Variants in CXXC5 observed in about 807,000 individuals in gnomAD.
CXXC5 encodes the protein CXXC-type zinc finger protein 5.
CXXC5 carries 2 observed loss-of-function variants against 17.6 expected under a neutral mutation model. That is an observed-to-expected ratio of 0.11 (90% CI 0.05 to 0.36). The LOEUF (loss-of-function observed/expected upper bound fraction) is 0.36, where lower values mean the gene tolerates loss of function less well. CXXC5 is among the 10% of genes least tolerant of loss of function. The pLI, the probability that CXXC5 is intolerant of heterozygous loss-of-function variation, is 1.00. For synonymous variants in CXXC5, 171 were observed against 193.0 expected (o/e 0.89, Z 0.94); for missense variants, 343 against 458.3 (o/e 0.75, Z 2.30).
chr5:139,682,600 G>A (rs750309028), intron 2 of CXXC5, among the ~76,000 whole-genome samples: 1 of 152,200 alleles, frequency 6.6e-6, no homozygotes, highest in Non-Finnish European at 1.5e-5. Flanking sequence ...CTTTGGGCCA[G>A]GGGAAGGGAC....
chr5:139,660,180 G>A (rs1167271674), intron 1 of CXXC5, among the ~76,000 whole-genome samples: 4 of 152,252 alleles, frequency 2.6e-5, no homozygotes, highest in African/African-American at 9.6e-5. Context: ...GGAGCGGGAT[G>A]ATCCTGTGGG....
intron 1 of CXXC5, among the ~76,000 whole-genome samples, chr5:139,671,790 G>A (rs776110053): frequency 3.1e-4 from 47 of 152,214 alleles, no homozygotes; most frequent in Admixed American, 5.9e-4. Context: ...TCCCCAAGCC[G>A]AGAGCTGAAC....
rs1181469088 is a variant in CXXC5, at chr5:139,668,009, A to T, written c.-160-12355A>T. On this transcript the variant is annotated intron_variant, in intron 1 of 2. Transcript: ENST00000302517. This position sits in a 1 kb window ranked among gnomAD's most constrained non-coding sequence, Gnocchi z 4.1. ...CTCCAAGGAGAGGGCCTGGGTTTTA[A>T]TTTTTGCTGCAGGGTCCCACCTGCC... 6.6e-6 allele frequency among the ~76,000 whole-genome samples: 1 copy of T among 151,824 alleles called. No homozygotes were observed. Among genetic ancestry groups the T allele is most frequent in the Non-Finnish European group, 1.5e-5 (1 of 67,926 alleles).
At chr5:139,656,858 G>A (rs1381625848) in intron 1 of CXXC5, among the ~76,000 whole-genome samples, 2 of 152,140 alleles carry the variant, frequency 1.3e-5, no homozygotes, top group African/African-American at 2.4e-5. Flanking sequence ...CCGAGTAGCT[G>A]GGATTACAGG....
intron 1 of CXXC5, among the ~76,000 whole-genome samples, chr5:139,662,703 C>T (rs1755889513): frequency 6.6e-6 from 1 of 152,212 alleles, no homozygotes; most frequent in African/African-American, 2.4e-5. Context: ...TCCTGAGGGA[C>T]ACAAACAGCA....
chr5:139,649,572 A>G (rs1255187190), intron 1 of CXXC5: 2 of 151,028 alleles, frequency 1.3e-5, no homozygotes, highest in African/African-American at 4.9e-5. Context: ...CGGCGGGCTG[A>G]TGAAGTTTGA....
chr5:139,682,324 ACCCCAG>A (rs373964697), intron 2 of CXXC5, among the ~76,000 whole-genome samples: 25 of 125,602 alleles, frequency 2.0e-4, no homozygotes, highest in East Asian at 8.3e-4. Flanking sequence ...CCCTCCCCCA[ACCCCAG>A]CCCCAGCCCC....
In CXXC5 at chr5:139,680,365, G is replaced by T. The variant is rs1050261593; in HGVS notation, c.-159G>T. 9.5e-7 allele frequency: 1 copy of T among 1,053,986 alleles called. No individual in the cohort carries two copies. The highest frequency in any genetic ancestry group is 1.3e-6 in the Non-Finnish European group (1 of 751,758). 65.3% of individuals were successfully genotyped at this position (1,053,986 alleles called of 1,614,324 possible). A position where few individuals can be genotyped will look rare whatever the true frequency, so the allele number is the denominator to read the frequency against. ...TGACCCTGTATCCTCTTGTGACAGAGTGAAGACATTTCCACCTGGACACCT... is the reference window on the plus strand; with the variant it reads ...TGACCCTGTATCCTCTTGTGACAGATTGAAGACATTTCCACCTGGACACCT... On this transcript the variant is annotated splice_region_variant and 5_prime_UTR_variant, in exon 2 of 3. Transcript: ENST00000302517.
chr5:139,656,068 C>G (rs1337081389), intron 1 of CXXC5, among the ~76,000 whole-genome samples: 1 of 152,086 alleles, frequency 6.6e-6, no homozygotes, highest in Non-Finnish European at 1.5e-5. Flanking sequence ...TGCCTGTGAC[C>G]TTTTCTGACC....
In CXXC5 at chr5:139,654,707, G is replaced by A. The variant is rs181936542; in HGVS notation, c.-161+5862G>A. Among the ~76,000 whole-genome samples, 42 of 152,284 alleles carry A rather than the reference G, an allele frequency of 2.8e-4. 1 individual carries two copies. The highest frequency in any genetic ancestry group is 9.4e-4 in the African/African-American group (39 of 41,528). On this transcript the variant is annotated intron_variant, in intron 1 of 2. Transcript: ENST00000302517. ...GGACTGATAATAGGACAGACCCCATGGGGCACATGGTAGCCTTCTCTGAGA... is the reference window on the plus strand; with the variant it reads ...GGACTGATAATAGGACAGACCCCATAGGGCACATGGTAGCCTTCTCTGAGA...
intron 1 of CXXC5, among the ~76,000 whole-genome samples, chr5:139,674,002 G>C (rs1433904801): frequency 1.3e-5 from 2 of 152,148 alleles, no homozygotes; most frequent in African/African-American, 4.8e-5. Flanking sequence ...GCTGTCCCTT[G>C]TTCTGTCCTT....
intron 2 of CXXC5, among the ~76,000 whole-genome samples, chr5:139,682,534 G>T (rs980897129): frequency 6.6e-6 from 1 of 152,142 alleles, no homozygotes; most frequent in Admixed American, 6.5e-5. Context: ...CACACCCGTC[G>T]CACGTGCTCA....
intron 1 of CXXC5, among the ~76,000 whole-genome samples, chr5:139,664,125 CT>C (rs1755967534): frequency 1.3e-5 from 2 of 152,184 alleles, no homozygotes; most frequent in African/African-American, 4.8e-5. Flanking sequence ...TCTCAAGGCA[CT>C]TTCCAGGTTT....
chr5:139,678,757 A>T (rs1757009091), intron 1 of CXXC5, among the ~76,000 whole-genome samples: 1 of 152,114 alleles, frequency 6.6e-6, no homozygotes, highest in Non-Finnish European at 1.5e-5. Flanking sequence ...GGGGACAAAG[A>T]TCCAGTGTGT....
chr5:139,667,335 C>T (rs1302351876), intron 1 of CXXC5, among the ~76,000 whole-genome samples: 1 of 152,246 alleles, frequency 6.6e-6, no homozygotes, highest in African/African-American at 2.4e-5. Context: ...GTTCTCTGCA[C>T]AGACTTTTTT....
At chr5:139,662,739 C>G (rs894915930) in intron 1 of CXXC5, among the ~76,000 whole-genome samples, 1 of 152,204 alleles carries the variant, frequency 6.6e-6, no homozygotes, top group East Asian at 1.9e-4. Flanking sequence ...ACTGGATGCC[C>G]GTGCCGCGGA....
rs900704616 is a variant in CXXC5, at chr5:139,648,482, G to C, written c.-524G>C. On this transcript the variant is annotated 5_prime_UTR_variant, in exon 1 of 3. Coordinates refer to ENST00000302517, the MANE Select transcript of CXXC5 (RefSeq NM_016463.9). ...GCCTTATCCCCTGAAGCCGGGCCCC[G>C]CGTCCCAGCCCTGCCCAGCCCGCGC... The C allele has an allele frequency of 6.6e-6, 1 of 152,558 alleles. No individual in the cohort carries two copies. The allele number at this position is 152,558 out of a possible 1,614,324, so 9.5% of individuals were successfully genotyped here.
intron 1 of CXXC5, chr5:139,651,080 C>T (rs1365800604): frequency 6.6e-6 from 1 of 152,400 alleles, no homozygotes; most frequent in Non-Finnish European, 1.5e-5. Context: ...AACCCCCCTA[C>T]CCCTCATCCT....
At chr5:139,656,533 G>T (rs1377497287) in intron 1 of CXXC5, among the ~76,000 whole-genome samples, 3 of 152,200 alleles carry the variant, frequency 2.0e-5, no homozygotes, top group African/African-American at 7.2e-5. Context: ...CGTGCCTCCT[G>T]TCATTGATCC....
Sources: gnomAD v4.1 joint callset for allele counts (sites outside exome capture counted in the v4.1 genomes callset) on GRCh38, gnomAD v4.1.1 for gene constraint, Gnocchi (gnomAD v3.1) non-coding constraint, MANE v1.5 for transcripts, NCBI Gene and HGNC (gene_info 2026-07-23, HGNC 2026-07-21) for gene names.